The following RANBP3 variants were observed in gnomAD, a reference collection of about 807,000 sequenced individuals.
RANBP3 encodes ran-binding protein 3.
RANBP3 carries 14 observed loss-of-function variants against 77.3 expected under a neutral mutation model. That is an observed-to-expected ratio of 0.18 (90% CI 0.12 to 0.28). RANBP3 has a LOEUF of 0.28. Ranked by LOEUF, RANBP3 falls within the 10% of genes least tolerant of loss-of-function variation. The pLI is 1.00. For synonymous variants in RANBP3, 315 were observed against 312.4 expected, an observed-to-expected ratio of 1.01 and a Z score of -0.09; for missense variants, 586 against 752.3, an observed-to-expected ratio of 0.78 and a Z score of 2.59.
chr19:5,961,194 A>T (rs1227093683), intron 1 of RANBP3, among the ~76,000 whole-genome samples: 2 of 149,120 alleles, frequency 1.3e-5, no homozygotes, highest in African/African-American at 2.4e-5. Context: ...CTGTAATCCC[A>T]GCACTTTGGG....
chr19:5,925,230 C>T, intron 10 of RANBP3: 1 of 481,236 alleles, frequency 2.1e-6, no homozygotes, highest in South Asian at 2.1e-5. Flanking sequence ...GCATTACCCC[C>T]AGCCATGTCA....
In RANBP3 at chr19:5,921,044, G is replaced by A. The variant is rs907441346; in HGVS notation, c.1330+157C>T. The A allele has an allele frequency of 1.2e-6, 1 of 867,082 alleles. No homozygotes were observed. The highest frequency in any genetic ancestry group is 1.6e-6 in the Non-Finnish European group (1 of 606,644). 53.7% of individuals were successfully genotyped at this position (867,082 alleles called of 1,614,324 possible). Reference sequence around the variant, plus strand: ...GGTGTTGAGGGCTGGGTGCAGGGAGGGGGTTTGGGGGGCGGCTCTCATGGG... The same window carrying A: ...GGTGTTGAGGGCTGGGTGCAGGGAGAGGGTTTGGGGGGCGGCTCTCATGGG... On this transcript the variant is annotated intron_variant, in intron 14 of 16. Transcript: ENST00000340578. This position sits in a 1 kb window ranked among gnomAD's most constrained non-coding sequence, Gnocchi z 5.3.
chr19:5,921,639 G>T lies in RANBP3; in HGVS notation c.1210-318C>A, dbSNP rs2057821577. On this transcript the variant is annotated intron_variant, in intron 13 of 16. Transcript: ENST00000340578. This position sits in a 1 kb window ranked among gnomAD's most constrained non-coding sequence, Gnocchi z 5.3. ...ACACTGCTGGCGGGAAGGCCGCATG[G>T]TGCCACTGCTGTGGAAGAGTCTGGC... 6.6e-6 allele frequency among the ~76,000 whole-genome samples: 1 copy of T among 152,258 alleles called. No individual in the cohort carries two copies. The highest frequency in any genetic ancestry group is 2.1e-4 in the South Asian group (1 of 4,836).
rs759565056 is a variant in RANBP3, at chr19:5,941,698, C to T, written c.329G>A (p.Arg110Lys). The T allele has an allele frequency of 1.2e-6, 2 of 1,613,704 alleles. No homozygotes were observed. Among genetic ancestry groups the T allele is most frequent in the Non-Finnish European group, 1.7e-6 (2 of 1,179,884 alleles). ...AGGAGGGCAGTAATTTCCATCTTCT[C>T]TGTCAGAATCTACAGAAAATGATGA... Reference protein sequence around the residue: ...SSPEGGEDSDREDGNYCPPVK... With the variant: ...SSPEGGEDSDKEDGNYCPPVK... Residue 110 changes from arginine (R) to lysine (K), a missense_variant, in exon 5 of 17, where the codon AGA becomes AAA. By Grantham distance (26) the Arg-to-Lys change is conservative (BLOSUM62 2). Coordinates refer to ENST00000340578, the MANE Select transcript of RANBP3 (RefSeq NM_007322.3).
At chr19:5,926,626 G>A (rs1319074405) in intron 9 of RANBP3, among the ~76,000 whole-genome samples, 1 of 152,144 alleles carries the variant, frequency 6.6e-6, no homozygotes, top group Non-Finnish European at 1.5e-5. Flanking sequence ...ACTGCGAAGT[G>A]CACGTAAGCC....
At chr19:5,939,990 C>T (rs2058114671) in intron 5 of RANBP3, among the ~76,000 whole-genome samples, 1 of 152,268 alleles carries the variant, frequency 6.6e-6, no homozygotes, top group Non-Finnish European at 1.5e-5. Context: ...CTTCCTTCAC[C>T]AGGGCAACTG....
chr19:5,925,404 C>T (rs1181802172), intron 10 of RANBP3: 2 of 586,804 alleles, frequency 3.4e-6, no homozygotes, highest in East Asian at 2.9e-5. Context: ...CTGGACAACC[C>T]CACAGAACTC....
At chr19:5,935,192 C>T (rs1428058925) in intron 5 of RANBP3, among the ~76,000 whole-genome samples, 2 of 152,224 alleles carry the variant, frequency 1.3e-5, no homozygotes, top group African/African-American at 2.4e-5. Context: ...ACCCCTCTCC[C>T]GCTGTGCCCC....
At chr19:5,931,047 G>A (rs2057982765) in intron 8 of RANBP3, among the ~76,000 whole-genome samples, 1 of 152,198 alleles carries the variant, frequency 6.6e-6, no homozygotes, top group South Asian at 2.1e-4. Context: ...ACTCCTCAGA[G>A]TGCAGTGGTT....
intron 3 of RANBP3, among the ~76,000 whole-genome samples, chr19:5,947,112 G>C (rs540767646): frequency 1.3e-5 from 2 of 152,046 alleles, no homozygotes; most frequent in South Asian, 2.1e-4. Flanking sequence ...TCAGGGGTTC[G>C]AGACCAGCCT....
At chr19:5,943,866 C>T (rs932102425) in intron 3 of RANBP3, among the ~76,000 whole-genome samples, 2 of 152,194 alleles carry the variant, frequency 1.3e-5, no homozygotes, top group South Asian at 2.1e-4. Context: ...GAGTCCAAAA[C>T]GCAATGCCAT....
rs2057755202 is a variant in RANBP3 at position 5,917,553 on chromosome 19, G to A, written c.*57C>T. Reference sequence around the variant, plus strand: ...CGCTGCCGGTGGGGTGGGGGCGGGTGGGCGGGTGGATAGACGGACAAAGCA... The same window carrying A: ...CGCTGCCGGTGGGGTGGGGGCGGGTAGGCGGGTGGATAGACGGACAAAGCA... On this transcript the variant is annotated 3_prime_UTR_variant, in exon 17 of 17. Coordinates refer to ENST00000340578, the MANE Select transcript of RANBP3 (RefSeq NM_007322.3). 3 of 1,502,960 alleles carry A rather than the reference G, an allele frequency of 2.0e-6. No individual in the cohort carries two copies. Among genetic ancestry groups the A allele is most frequent in the Non-Finnish European group, 2.7e-6 (3 of 1,124,574 alleles). The allele number at this position is 1,502,960 out of a possible 1,614,324, so 93.1% of individuals were successfully genotyped here.
At chr19:5,934,813 C>A (rs961153637) in intron 5 of RANBP3, among the ~76,000 whole-genome samples, 35 of 152,218 alleles carry the variant, frequency 2.3e-4, no homozygotes, top group African/African-American at 7.9e-4. Flanking sequence ...CCAGCCTGGG[C>A]GACAGAGTGA....
chr19:5,943,368 C>T (rs1413756563), intron 3 of RANBP3, among the ~76,000 whole-genome samples: 1 of 152,204 alleles, frequency 6.6e-6, no homozygotes. Context: ...AAGGCAGACC[C>T]CCCTCAAGTC....
At position 5,921,112 on chromosome 19, in the gene RANBP3, A is replaced by G; in HGVS notation, c.1330+89T>C. ...TGACTCTCACAAGGGTAGGGTCAGG[A>G]TCTCCCCCGCTTCATTCCCTTTGGA... On this transcript the variant is annotated intron_variant, in intron 14 of 16. Transcript: ENST00000340578. The surrounding 1 kb of genome is among the most constrained non-coding windows in gnomAD (Gnocchi z 5.3). The G allele has an allele frequency of 6.8e-7, 1 of 1,469,964 alleles. No homozygotes were observed. Among genetic ancestry groups the G allele is most frequent in the Non-Finnish European group, 9.1e-7 (1 of 1,093,698 alleles). The allele number at this position is 1,469,964 out of a possible 1,614,324, so 91.1% of individuals were successfully genotyped here.
rs750220349 is a variant in RANBP3, at chr19:5,951,598, TG to T, written c.79-3del. 3.7e-6 allele frequency: 6 copies of T among 1,612,242 alleles called. No homozygotes were observed. In the Admixed American group the frequency reaches 1.0e-4, roughly 27 times the overall value. The stretch of plus-strand genomic sequence containing the variant: ...CAAGTTTTTTTGCTCTGCAGGGGAC[TG>T]GGAGCAAAAAAGACAATTTTCCTTC... On this transcript the variant is annotated splice_polypyrimidine_tract_variant and splice_region_variant and intron_variant, in intron 2 of 16. Coordinates refer to ENST00000340578, the MANE Select transcript of RANBP3 (RefSeq NM_007322.3).
chr19:5,977,936 G>A (rs2058617048), intron 1 of RANBP3, 125 bp downstream of exon 1: 3 of 1,273,752 alleles, frequency 2.4e-6, no homozygotes, highest in East Asian at 3.0e-5. Context: ...GGCCCGCCAC[G>A]GCGCTAGCCT....
Position 5,951,571 on chromosome 19 carries a change from G to A in RANBP3, c.104C>T (p.Ser35Leu), listed in dbSNP as rs777767542. Residue 35 changes from serine (S) to leucine (L), a missense_variant, in exon 3 of 17, where the codon TCG becomes TTG. Ser to Leu is a moderately radical substitution (Grantham distance 145). Around this residue, in one of 5 missense-constraint regions of RANBP3, gnomAD observed 172 missense variants for 183.4 expected, o/e 0.94. Transcript: ENST00000340578. ...CCCCCGAGGCTCCTCTCCCGAATCC[G>A]ACAAGTTTTTTTGCTCTGCAGGGGA... ...QKSPAEQKNL[S>L]DSGEEPRGEA... The A allele has an allele frequency of 2.6e-5, 42 of 1,613,470 alleles. No homozygotes were observed. Among genetic ancestry groups the A allele is most frequent in the Admixed American group, 8.3e-5 (5 of 59,906 alleles).
rs1301658977 is a variant in RANBP3, at chr19:5,941,699, T to C, written c.328A>G (p.Arg110Gly). ...GGAGGGCAGTAATTTCCATCTTCTC[T>C]GTCAGAATCTACAGAAAATGATGAG... ...SSPEGGEDSD[R>G]EDGNYCPPVK... is the part of the protein sequence containing the mutation. Residue 110 changes from arginine to glycine, a missense_variant, in exon 5 of 17, where the codon AGA (arginine) becomes GGA (glycine). By Grantham distance (125) the Arg-to-Gly change is moderately radical. This residue lies in a region of RANBP3 where 172 missense variants were observed against 183.4 expected (regional missense o/e 0.94). Transcript: ENST00000340578. 1.2e-6 allele frequency: 2 copies of C among 1,613,730 alleles called. No individual in the cohort carries two copies. The highest frequency in any genetic ancestry group is 1.7e-6 in the Non-Finnish European group (2 of 1,179,850).
Sources: allele counts gnomAD v4.1 joint callset (sites outside exome capture counted in the v4.1 genomes callset), GRCh38; gene constraint gnomAD v4.1.1; regional missense constraint gnomAD v4.1.1; non-coding constraint Gnocchi (gnomAD v3.1); transcripts MANE v1.5; gene names NCBI Gene and HGNC (gene_info 2026-07-23, HGNC 2026-07-21).